Variants in TXNDC5 observed in about 807,000 individuals in gnomAD.
TXNDC5 encodes thioredoxin domain-containing protein 5.
Under a neutral mutation model 52.6 loss-of-function variants are expected in TXNDC5, and 44 were observed. That is an observed-to-expected ratio of 0.84 (90% CI 0.66 to 1.08). The LOEUF is 1.08. Ranked by LOEUF, TXNDC5 falls within the 50% of genes least tolerant of loss-of-function variation. The pLI, the probability that TXNDC5 is intolerant of heterozygous loss-of-function variation, is 0.00. For missense variants in TXNDC5, 600 were observed against 565.5 expected (o/e 1.06, Z -0.62); for synonymous variants, 241 against 234.4 (o/e 1.03, Z -0.26).
chr6:7,903,909 C>G (rs1000068689), intron 2 of TXNDC5, among the ~76,000 whole-genome samples: 1 of 152,182 alleles, frequency 6.6e-6, no homozygotes, highest in Non-Finnish European at 1.5e-5. Flanking sequence ...CCAAGCAGGG[C>G]CAGTCAGTGG....
rs975065056 is a variant in TXNDC5, at chr6:7,895,327, T to C, written c.520-125A>G. On this transcript the variant is annotated intron_variant, in intron 3 of 9. Transcript: ENST00000379757. Reference sequence around the variant, plus strand: ...TCCCTCACCCAACAACCTGGAACCCTTGTACGATGCTGCTGTGCTGAGTGA... The same window carrying C: ...TCCCTCACCCAACAACCTGGAACCCCTGTACGATGCTGCTGTGCTGAGTGA... 3.5e-5 allele frequency: 28 copies of C among 789,586 alleles called. No homozygotes were observed. The African/African-American group carries it at 4.4e-4, about 12-fold the overall frequency. The allele number at this position is 789,586 out of a possible 1,614,324, so 48.9% of individuals were successfully genotyped here. A position where few individuals can be genotyped will look rare whatever the true frequency, so the allele number is the denominator to read the frequency against.
At chr6:7,889,393 A>C in intron 6 of TXNDC5, 102 bp downstream of exon 6, 3 of 943,668 alleles carry the variant, frequency 3.2e-6, no homozygotes, top group Non-Finnish European at 3.3e-6. Flanking sequence ...GTGCCCTAAC[A>C]ATCAAGATTG....
chr6:7,891,475 A>C, intron 5 of TXNDC5, 146 bp downstream of exon 5: 1 of 570,708 alleles, frequency 1.8e-6, no homozygotes, highest in Non-Finnish European at 3.1e-6. Context: ...CCATCTGTGA[A>C]GGTGAAATGA....
At position 7,884,385 on chromosome 6, in the gene TXNDC5, C is replaced by G; in HGVS notation, c.1150G>C (p.Glu384Gln). The change falls in exon 9 of 10, where the codon GAA becomes CAA. Residue 384 changes from glutamate to glutamine, a missense_variant. Coordinates refer to ENST00000379757, the MANE Select transcript of TXNDC5 (RefSeq NM_030810.5). ...GAATACTTGCTGCAGATATTCCGTT[C>G]AGCAGTGCAGTCTACTTCGGCGATC... ...VKIAEVDCTA[E>Q]RNICSKYSVR... 1 of 1,614,156 alleles carries G rather than the reference C, an allele frequency of 6.2e-7. No individual in the cohort carries two copies. Among genetic ancestry groups the G allele is most frequent in the Non-Finnish European group, 8.5e-7 (1 of 1,180,008 alleles).
At chr6:7,890,695 A>G (rs1760160997) in intron 5 of TXNDC5, among the ~76,000 whole-genome samples, 1 of 152,222 alleles carries the variant, frequency 6.6e-6, no homozygotes, top group South Asian at 2.1e-4. Flanking sequence ...AAGAGGCAAC[A>G]GTGAAATATC....
intron 2 of TXNDC5, among the ~76,000 whole-genome samples, chr6:7,901,650 C>T (rs1409642509): frequency 1.3e-5 from 2 of 152,146 alleles, no homozygotes; most frequent in Non-Finnish European, 1.5e-5. Flanking sequence ...TTCTCACTGT[C>T]GACAGGGGTG....
intron 9 of TXNDC5, 126 bp from the exon 10 acceptor site, chr6:7,883,392 G>C: frequency 7.3e-7 from 1 of 1,373,856 alleles, no homozygotes; most frequent in Non-Finnish European, 9.9e-7. Context: ...ATTTTTAAAG[G>C]TGTATATTCC....
At chr6:7,910,450 C>T (rs1760880672) in intron 1 of TXNDC5, 64 bp downstream of exon 1, 2 of 1,290,844 alleles carry the variant, frequency 1.5e-6, no homozygotes, top group Non-Finnish European at 2.0e-6. Flanking sequence ...CCCGCGGCGC[C>T]CAAGCGCCCC....
intron 2 of TXNDC5, chr6:7,900,383 A>T (rs962847386): frequency 6.6e-6 from 1 of 152,212 alleles, no homozygotes. Context: ...AACGTGCTCT[A>T]ATACTCTAGA....
rs974275063 is a variant in TXNDC5, at chr6:7,881,701, G to A, written c.*1443C>T. On this transcript the variant is annotated 3_prime_UTR_variant, in exon 10 of 10. Transcript: ENST00000379757. Reference sequence around the variant, plus strand: ...AAAAAGAATTATCTGTGAACCATACGTGATTAATAAAGATTTCCTTTAAGG... The same window carrying A: ...AAAAAGAATTATCTGTGAACCATACATGATTAATAAAGATTTCCTTTAAGG... 2.0e-5 allele frequency: 3 copies of A among 152,142 alleles called. No homozygotes were observed. Among genetic ancestry groups the A allele is most frequent in the African/African-American group, 4.8e-5 (2 of 41,406 alleles). 9.4% of individuals were successfully genotyped at this position (152,142 alleles called of 1,614,324 possible).
At chr6:7,899,775 C>T (rs1355152104) in intron 2 of TXNDC5, 94 bp from the exon 3 acceptor site, 1 of 893,980 alleles carries the variant, frequency 1.1e-6, no homozygotes, top group Non-Finnish European at 1.7e-6. Flanking sequence ...AATGAGCTGT[C>T]AAGGGGCTGC....
At chr6:7,891,779 G>A (rs763617277) in intron 4 of TXNDC5, 43 bp from the exon 5 acceptor site, 7 of 1,403,384 alleles carry the variant, frequency 5.0e-6, no homozygotes, top group Non-Finnish European at 6.1e-6. Flanking sequence ...AAGAGGAACT[G>A]TAATTTATGT....
At chr6:7,907,898 G>A in intron 1 of TXNDC5, among the ~76,000 whole-genome samples, 1 of 152,186 alleles carries the variant, frequency 6.6e-6, no homozygotes, top group East Asian at 1.9e-4. Context: ...AGTATCTGCA[G>A]TTTTCTGAAA....
intron 3 of TXNDC5, among the ~76,000 whole-genome samples, 188 bp downstream of exon 3, chr6:7,899,388 A>G (rs1268243711): frequency 1.3e-5 from 2 of 152,244 alleles, no homozygotes; most frequent in Admixed American, 1.3e-4. Context: ...TTCCACACCA[A>G]AAAGTTTCTG....
intron 2 of TXNDC5, 50 bp from the exon 3 acceptor site, chr6:7,899,731 C>A (rs747868120): frequency 1.3e-6 from 2 of 1,500,926 alleles, no homozygotes; most frequent in South Asian, 2.3e-5. Flanking sequence ...GTTGTCTTAT[C>A]AGAGAGCAAA....
chr6:7,886,015 T>G lies in TXNDC5; in HGVS notation c.992A>C (p.Asn331Thr), dbSNP rs1220846207. 1.2e-6 allele frequency: 2 copies of G among 1,614,166 alleles called. No individual in the cohort carries two copies. The highest frequency in any genetic ancestry group is 1.7e-6 in the Non-Finnish European group (2 of 1,180,022). Residue 331 changes from asparagine (N) to threonine (T), a missense_variant, in exon 8 of 10, where the codon AAC becomes ACC. Physicochemically the swap from Asn to Thr is moderately conservative, Grantham distance 65 (BLOSUM62 0). Transcript: ENST00000379757. ...KGTVLALTEN[N>T]FDDTIAEGIT... is the part of the protein sequence containing the mutation. ...TCCTTCTGCAATGGTGTCATCGAAG[T>G]TATTTTCAGTGAGTGCCAACACAGT...
intron 2 of TXNDC5, among the ~76,000 whole-genome samples, chr6:7,902,960 G>T (rs1188307750): frequency 6.6e-6 from 1 of 152,178 alleles, no homozygotes; most frequent in Non-Finnish European, 1.5e-5. Context: ...GGCTGAGGTG[G>T]AAGCCTTCAC....
intron 3 of TXNDC5, 57 bp downstream of exon 3, chr6:7,899,519 T>G: frequency 8.2e-7 from 1 of 1,214,028 alleles, no homozygotes; most frequent in East Asian, 2.7e-5. Flanking sequence ...ACCCCAAAGA[T>G]GTAGGCAGGG....
rs1759754541 is a variant in TXNDC5, at chr6:7,881,856, G to A, written c.*1288C>T. On this transcript the variant is annotated 3_prime_UTR_variant, in exon 10 of 10. Transcript: ENST00000379757. ...ACATCCCCTTGCGTATGGGAGGTGGGTGAAGAGTGTTGGATGCAAAGTGGT... is the reference window on the plus strand; with the variant it reads ...ACATCCCCTTGCGTATGGGAGGTGGATGAAGAGTGTTGGATGCAAAGTGGT... The A allele has an allele frequency of 6.6e-6, 1 of 152,298 alleles. No individual in the cohort carries two copies. Among genetic ancestry groups the A allele is most frequent in the South Asian group, 2.1e-4 (1 of 4,828 alleles). 9.4% of individuals were successfully genotyped at this position (152,298 alleles called of 1,614,324 possible).
Sources: allele counts gnomAD v4.1 joint callset (sites outside exome capture counted in the v4.1 genomes callset), GRCh38; gene constraint gnomAD v4.1.1; transcripts MANE v1.5; gene names NCBI Gene and HGNC (gene_info 2026-07-23, HGNC 2026-07-21).